The following PHF21A variants were observed in gnomAD, a reference collection of about 807,000 sequenced individuals.
PHF21A encodes BHC80a.
PHF21A carries 11 observed loss-of-function variants against 82.5 expected under a neutral mutation model. That is an observed-to-expected ratio of 0.13 (90% CI 0.08 to 0.22). PHF21A has a LOEUF of 0.22. Among genes scored for constraint, PHF21A ranks in the 10% least tolerant of loss-of-function variants. The probability of loss-of-function intolerance (pLI) is 1.00; values close to 1 mark genes in which losing one functional copy is unlikely to be tolerated. For missense variants in PHF21A, 579 were observed against 837.8 expected, an observed-to-expected ratio of 0.69 and a Z score of 3.81; for synonymous variants, 297 against 302.8, an observed-to-expected ratio of 0.98 and a Z score of 0.20.
In PHF21A at chr11:45,929,391, T is replaced by TC. The variant is rs200626824; in HGVS notation, c.*4576dup. The TC allele has an allele frequency of 0.026, 3,911 of 151,556 alleles. 156 individuals carry two copies. The highest frequency in any genetic ancestry group is 0.089 in the African/African-American group (3,610 of 40,520). The allele number at this position is 151,556 out of a possible 1,614,324, so 9.4% of individuals were successfully genotyped here. The stretch of plus-strand genomic sequence containing the variant: ...ATACAAATTGATCAGCTGCTCTGTA[T>TC]CCCCCCCCACCCCCTCAAAACAAAA... On this transcript the variant is annotated 3_prime_UTR_variant, in exon 19 of 19. Transcript: ENST00000676320.
intron 10 of PHF21A, among the ~76,000 whole-genome samples, chr11:45,960,149 T>G (rs1401360391): frequency 1.3e-5 from 2 of 152,238 alleles, no homozygotes; most frequent in Non-Finnish European, 2.9e-5. Flanking sequence ...GCAGAATTAC[T>G]GTATGACCCA....
chr11:46,072,148 T>C (rs1415755869), intron 6 of PHF21A, among the ~76,000 whole-genome samples: 1 of 152,234 alleles, frequency 6.6e-6, no homozygotes, highest in Non-Finnish European at 1.5e-5. Flanking sequence ...GATATGCTAC[T>C]GTAATAGAAA....
intron 6 of PHF21A, among the ~76,000 whole-genome samples, chr11:46,007,557 G>A (rs998839344): frequency 7.2e-5 from 11 of 151,962 alleles, no homozygotes; most frequent in African/African-American, 1.5e-4. Context: ...CAGGTGATTC[G>A]CCTGCTGTGG....
chr11:45,944,130 A>G (rs2090898628), intron 15 of PHF21A, among the ~76,000 whole-genome samples: 1 of 152,234 alleles, frequency 6.6e-6, no homozygotes, highest in African/African-American at 2.4e-5. Flanking sequence ...GGACAAATGG[A>G]GCAATCTGAA....
intron 1 of PHF21A, among the ~76,000 whole-genome samples, chr11:46,101,561 T>G (rs1428601013): frequency 6.6e-6 from 1 of 152,234 alleles, no homozygotes; most frequent in Non-Finnish European, 1.5e-5. Flanking sequence ...ATAAAGGCTC[T>G]TGTCTCAAAT....
chr11:45,983,999 A>G (rs2094405287), intron 6 of PHF21A, among the ~76,000 whole-genome samples: 1 of 152,180 alleles, frequency 6.6e-6, no homozygotes, highest in Non-Finnish European at 1.5e-5. Flanking sequence ...ACTGGCATAC[A>G]TGATTTGATA....
intron 6 of PHF21A, among the ~76,000 whole-genome samples, chr11:46,048,002 A>G (rs1004927015): frequency 6.6e-6 from 1 of 152,244 alleles, no homozygotes; most frequent in Non-Finnish European, 1.5e-5. Context: ...TACAATTCAT[A>G]TATCACACAA....
At chr11:46,004,587 A>G (rs1298292880) in intron 6 of PHF21A, among the ~76,000 whole-genome samples, 1 of 152,146 alleles carries the variant, frequency 6.6e-6, no homozygotes, top group Non-Finnish European at 1.5e-5. Context: ...CTTCAACATA[A>G]AAGTTTTAAA....
chr11:45,951,778 G>GA (rs1175509772), intron 11 of PHF21A, among the ~76,000 whole-genome samples: 7 of 148,060 alleles, frequency 4.7e-5, no homozygotes, highest in African/African-American at 1.7e-4. Flanking sequence ...ATAATTAAGT[G>GA]AAAAAAAATG....
intron 1 of PHF21A, chr11:46,116,598 G>C (rs2097292762): frequency 6.6e-6 from 1 of 151,366 alleles, no homozygotes; most frequent in East Asian, 1.9e-4. Flanking sequence ...AAACTGACTA[G>C]GCAGCATTTT....
intron 7 of PHF21A, among the ~76,000 whole-genome samples, 186 bp from the exon 8 acceptor site, chr11:45,971,553 A>C (rs2093745104): frequency 6.6e-6 from 1 of 152,176 alleles, no homozygotes; most frequent in African/African-American, 2.4e-5. Flanking sequence ...AGAGAAAGGC[A>C]ATCTCTAGTT....
chr11:46,084,072 A>G, intron 4 of PHF21A, 94 bp downstream of exon 4: 1 of 921,624 alleles, frequency 1.1e-6, no homozygotes, highest in Non-Finnish European at 1.6e-6. Flanking sequence ...CTTAAAGATT[A>G]TTAAAAACTA....
rs1158303320 is a variant in PHF21A at position 45,945,935 on chromosome 11, G to A, written c.1357C>T (p.His453Tyr). ...ALTPTSPQSS[H>Y]PDSPENEKTE... ...TTTTCATTTTCAGGGGAGTCAGGAT[G>A]ACTGGATTGGGGGGATGTTGGGGTA... The change falls in exon 15 of 19, where the codon CAT (histidine) becomes TAT (tyrosine). Residue 453 changes from histidine to tyrosine, a missense_variant. By Grantham distance (83) the His-to-Tyr change is moderately conservative. Transcript: ENST00000676320. 3 of 1,613,492 alleles carry A rather than the reference G, an allele frequency of 1.9e-6. No individual in the cohort carries two copies. The highest frequency in any genetic ancestry group is 2.5e-6 in the Non-Finnish European group (3 of 1,179,696).
At chr11:46,117,509 C>T (rs548315632) in intron 1 of PHF21A, among the ~76,000 whole-genome samples, 59 of 152,214 alleles carry the variant, frequency 3.9e-4, no homozygotes, top group Non-Finnish European at 7.5e-4. Context: ...TTTATAAAGC[C>T]GAGTGCCTAA....
At chr11:45,979,700 AT>A in intron 7 of PHF21A, 59 bp downstream of exon 7, 1 of 1,611,294 alleles carries the variant, frequency 6.2e-7, no homozygotes, top group Non-Finnish European at 8.5e-7. Context: ...CCAGTTCTAT[AT>A]GACCAACAAC....
intron 11 of PHF21A, among the ~76,000 whole-genome samples, chr11:45,951,816 T>TC (rs1433088936): frequency 6.6e-6 from 1 of 151,292 alleles, no homozygotes. Flanking sequence ...AATTTTTTTT[T>TC]TTTTTTTTGA....
chr11:46,099,378 A>G (rs1297983733), intron 1 of PHF21A, among the ~76,000 whole-genome samples: 2 of 152,180 alleles, frequency 1.3e-5, no homozygotes, highest in Non-Finnish European at 2.9e-5. Context: ...GACAGTGATC[A>G]CAAGCTGCCG....
In PHF21A at chr11:45,946,000, C is replaced by T. The variant is rs1482378168; in HGVS notation, c.1292G>A (p.Arg431His). The T allele has an allele frequency of 7.4e-6, 12 of 1,613,258 alleles. No individual in the cohort carries two copies. The highest frequency in any genetic ancestry group is 1.1e-5 in the South Asian group (1 of 91,030). The change falls in exon 15 of 19, where the codon CGT becomes CAT. Residue 431 changes from arginine (R) to histidine (H), a missense_variant. Arg to His is a conservative substitution (Grantham distance 29). Coordinates refer to ENST00000676320, the MANE Select transcript of PHF21A (RefSeq NM_001352027.3). The part of the protein sequence containing the change: ...TMHPGTRKRG[R>H]PPKYNAVLGF... ...CAGCACTGCATTGTATTTTGGAGGACGACCTATATACCAAGAGAAGGGAAC... is the reference window on the plus strand; with the variant it reads ...CAGCACTGCATTGTATTTTGGAGGATGACCTATATACCAAGAGAAGGGAAC...
chr11:45,974,418 AATTATTATTATT>A (rs59807950), intron 7 of PHF21A, among the ~76,000 whole-genome samples: 54 of 147,322 alleles, frequency 3.7e-4, no homozygotes, highest in African/African-American at 6.7e-4. Context: ...TCAAACGACA[AATTATTATTATT>A]ATTATTATTA....
Sources: allele counts gnomAD v4.1 joint callset (sites outside exome capture counted in the v4.1 genomes callset), GRCh38; gene constraint gnomAD v4.1.1; transcripts MANE v1.5; gene names NCBI Gene and HGNC (gene_info 2026-07-23, HGNC 2026-07-21).